The following FHOD3 variants were observed in gnomAD, a reference collection of about 807,000 sequenced individuals.
FHOD3 encodes the protein FH1/FH2 domain-containing protein 3.
Under a neutral mutation model 173.0 loss-of-function variants are expected in FHOD3, and 90 were observed. That is an observed-to-expected ratio of 0.52 (90% CI 0.44 to 0.62). The LOEUF is 0.62. Among genes scored for constraint, FHOD3 ranks in the 20% least tolerant of loss-of-function variants. FHOD3 has a pLI of 0.00. For missense variants in FHOD3, 1,945 were observed against 2,034.7 expected (o/e 0.96, Z 0.85); for synonymous variants, 828 against 823.0 (o/e 1.01, Z -0.10).
chr18:36,408,150 TC>T (rs1465292854), intron 3 of FHOD3, among the ~76,000 whole-genome samples: 9 of 152,322 alleles, frequency 5.9e-5, no homozygotes, highest in Admixed American at 5.2e-4. Flanking sequence ...CTCTGTCCTG[TC>T]CATTCACCAG....
chr18:36,418,957 T>C (rs1378691894), intron 3 of FHOD3, among the ~76,000 whole-genome samples: 6 of 151,992 alleles, frequency 3.9e-5, no homozygotes, highest in Admixed American at 6.6e-5. Context: ...TTTCTATAAA[T>C]AGGAATTTTA....
intron 9 of FHOD3, among the ~76,000 whole-genome samples, chr18:36,617,195 G>T (rs370207504): frequency 3.3e-5 from 5 of 152,254 alleles, no homozygotes; most frequent in African/African-American, 1.2e-4. Flanking sequence ...TAGTTAATTC[G>T]CATATTTATG....
At chr18:36,472,802 A>G (rs2053358783) in intron 3 of FHOD3, among the ~76,000 whole-genome samples, 2 of 152,120 alleles carry the variant, frequency 1.3e-5, no homozygotes, top group African/African-American at 2.4e-5. Flanking sequence ...CATTGCATCT[A>G]TCCATTCATC....
chr18:36,398,832 T>G (rs564177032), intron 3 of FHOD3, among the ~76,000 whole-genome samples: 2 of 152,012 alleles, frequency 1.3e-5, no homozygotes, highest in African/African-American at 2.4e-5. Flanking sequence ...TCTAAAGGGA[T>G]GTTTTTGGGT....
chr18:36,693,548 G>C, intron 17 of FHOD3, 125 bp downstream of exon 17: 1 of 899,874 alleles, frequency 1.1e-6, no homozygotes, highest in Non-Finnish European at 1.7e-6. Flanking sequence ...CACTTTGTTG[G>C]GGGAGGGGGG....
At chr18:36,617,969 G>C (rs986425846) in intron 9 of FHOD3, among the ~76,000 whole-genome samples, 3 of 151,964 alleles carry the variant, frequency 2.0e-5, no homozygotes, top group African/African-American at 7.3e-5. Flanking sequence ...ATTTTTATTA[G>C]TCTGTTATGA....
At chr18:36,528,835 C>G (rs2056650164) in intron 5 of FHOD3, among the ~76,000 whole-genome samples, 1 of 152,228 alleles carries the variant, frequency 6.6e-6, no homozygotes. Flanking sequence ...AACGGGACCA[C>G]TGCACACCAC....
chr18:36,374,342 C>G (rs903652484), intron 3 of FHOD3, among the ~76,000 whole-genome samples: 1 of 152,344 alleles, frequency 6.6e-6, no homozygotes, highest in Non-Finnish European at 1.5e-5. Flanking sequence ...CACACATGCT[C>G]CCTGCTCTTG....
intron 1 of FHOD3, among the ~76,000 whole-genome samples, chr18:36,338,581 C>A (rs2045445148): frequency 6.6e-6 from 1 of 152,218 alleles, no homozygotes; most frequent in Non-Finnish European, 1.5e-5. Context: ...TATTCTGCTG[C>A]CAGCTTGGCT....
intron 28 of FHOD3, among the ~76,000 whole-genome samples, chr18:36,776,087 C>A (rs1160104870): frequency 6.6e-6 from 1 of 152,092 alleles, no homozygotes; most frequent in Non-Finnish European, 1.5e-5. Flanking sequence ...TACTGGGTGG[C>A]AGAGTTGTTT....
At chr18:36,538,748 CA>C (rs919441364) in intron 5 of FHOD3, among the ~76,000 whole-genome samples, 27 of 152,192 alleles carry the variant, frequency 1.8e-4, no homozygotes, top group African/African-American at 6.5e-4. Context: ...TAGGAGTTGA[CA>C]GGGGTTAGTG....
chr18:36,694,109 A>C (rs774618243), intron 17 of FHOD3, among the ~76,000 whole-genome samples: 1 of 152,198 alleles, frequency 6.6e-6, no homozygotes, highest in Non-Finnish European at 1.5e-5. Context: ...TTTCTTTCAC[A>C]TTAACACAGG....
At chr18:36,638,347 C>T (rs116267784) in intron 10 of FHOD3, among the ~76,000 whole-genome samples, 3,894 of 152,170 alleles carry the variant, frequency 0.026, 177 homozygotes, top group African/African-American at 0.09. Context: ...GAGGCTGTAG[C>T]GTGTGGCCAG....
At chr18:36,414,120 T>A (rs566913892) in intron 3 of FHOD3, among the ~76,000 whole-genome samples, 1 of 152,310 alleles carries the variant, frequency 6.6e-6, no homozygotes, top group East Asian at 1.9e-4. Context: ...TCCACCTTAT[T>A]TGGCACACTA....
At chr18:36,533,872 G>C (rs1462848640) in intron 5 of FHOD3, among the ~76,000 whole-genome samples, 1 of 152,154 alleles carries the variant, frequency 6.6e-6, no homozygotes, top group Non-Finnish European at 1.5e-5. Flanking sequence ...TTGTGTTTTT[G>C]AGAAATATCT....
chr18:36,315,434 C>G (rs960011594), intron 1 of FHOD3, among the ~76,000 whole-genome samples: 6 of 152,046 alleles, frequency 3.9e-5, no homozygotes, highest in Non-Finnish European at 8.8e-5. Context: ...ATATGACACC[C>G]TCACCCCGAG....
chr18:36,732,345 C>T (rs2149940756), intron 20 of FHOD3, among the ~76,000 whole-genome samples: 1 of 152,254 alleles, frequency 6.6e-6, no homozygotes. Flanking sequence ...TATGGCACCC[C>T]TAGAAAACCT....
At chr18:36,385,567 T>G (rs1276935571) in intron 3 of FHOD3, among the ~76,000 whole-genome samples, 1 of 152,230 alleles carries the variant, frequency 6.6e-6, no homozygotes, top group South Asian at 2.1e-4. Context: ...TGGCTAATTT[T>G]CATATTTTTC....
intron 17 of FHOD3, among the ~76,000 whole-genome samples, chr18:36,707,068 T>A (rs1168846572): frequency 6.6e-6 from 1 of 152,208 alleles, no homozygotes; most frequent in Non-Finnish European, 1.5e-5. Context: ...GTTCACTCCA[T>A]CCCATGACCC....
Sources: gnomAD v4.1 joint callset for allele counts (sites outside exome capture counted in the v4.1 genomes callset) on GRCh38, gnomAD v4.1.1 for gene constraint, MANE v1.5 for transcripts, NCBI Gene and HGNC (gene_info 2026-07-23, HGNC 2026-07-21) for gene names.